The following MIA2 variants were observed in gnomAD, a reference collection of about 807,000 sequenced individuals.
The protein encoded by MIA2 is MIA SH3 domain ER export factor 2, also known as melanoma inhibitory activity protein 2.
A neutral mutation model predicts 167.8 loss-of-function variants in MIA2; 127 were observed. The observed-to-expected ratio is 0.76, with a 90% CI of 0.66 to 0.88. The LOEUF is 0.88. Ranked by LOEUF, MIA2 falls within the 40% of genes least tolerant of loss-of-function variation. MIA2 has a pLI of 0.00. For synonymous variants in MIA2, 552 were observed against 541.9 expected (o/e 1.02, Z -0.26); for missense variants, 1,690 against 1,624.7 (o/e 1.04, Z -0.69).
chr14:39,236,343 C>G (rs766824411), intron 1 of MIA2, among the ~76,000 whole-genome samples: 7 of 151,942 alleles, frequency 4.6e-5, no homozygotes, highest in African/African-American at 7.3e-5. Context: ...GGGGAAAGGA[C>G]AGAAAGAAAA....
At chr14:39,331,425 T>C (rs182288027) in intron 25 of MIA2, among the ~76,000 whole-genome samples, 154 of 152,352 alleles carry the variant, frequency 1.0e-3, no homozygotes, top group African/African-American at 3.5e-3. Context: ...CCATTCTCTG[T>C]CTTTTAATTG....
At chr14:39,377,704 C>G (rs1290191386) in intron 23 of MIA2, among the ~76,000 whole-genome samples, 1 of 151,926 alleles carries the variant, frequency 6.6e-6, no homozygotes, top group East Asian at 1.9e-4. Context: ...TTACACTTGG[C>G]TTGATTATTT....
chr14:39,237,130 T>C lies in MIA2; in HGVS notation c.249+75T>C, dbSNP rs746723028. 4 of 1,485,626 alleles carry C rather than the reference T, an allele frequency of 2.7e-6. No individual in the cohort carries two copies. In the African/African-American group the frequency reaches 4.2e-5, roughly 16 times the overall value. The allele number at this position is 1,485,626 out of a possible 1,614,324, so 92.0% of individuals were successfully genotyped here. A position where few individuals can be genotyped will look rare whatever the true frequency, so the allele number is the denominator to read the frequency against. ...ACAAAGATTCCTTCCTTTTCTTTTCTTTTTTTTGGAAACAGGGCCTGGCTC... is the reference window on the plus strand; with the variant it reads ...ACAAAGATTCCTTCCTTTTCTTTTCCTTTTTTTGGAAACAGGGCCTGGCTC... On this transcript the variant is annotated intron_variant, in intron 2 of 28. Transcript: ENST00000640607.
rs1240893892 is a variant in MIA2 at position 39,233,934 on chromosome 14, C to G, written c.-181C>G. 2.1e-6 allele frequency: 1 copy of G among 479,612 alleles called. No individual in the cohort carries two copies. Among genetic ancestry groups the G allele is most frequent in the African/African-American group, 2.0e-5 (1 of 49,630 alleles). 29.7% of individuals were successfully genotyped at this position (479,612 alleles called of 1,614,324 possible). On this transcript the variant is annotated 5_prime_UTR_variant, in exon 1 of 29. Coordinates refer to ENST00000640607, the MANE Select transcript of MIA2 (RefSeq NM_001329214.4). ...CAGATTGAAAACAGACAGTGTTTGTCTCTCAAGTTAAACCAACAAGCCGAT... is the reference window on the plus strand; with the variant it reads ...CAGATTGAAAACAGACAGTGTTTGTGTCTCAAGTTAAACCAACAAGCCGAT...
At chr14:39,359,865 A>T (rs1038064196) in intron 23 of MIA2, among the ~76,000 whole-genome samples, 1 of 152,118 alleles carries the variant, frequency 6.6e-6, no homozygotes, top group Admixed American at 6.5e-5. Flanking sequence ...GCATTGCAGG[A>T]TCATACAGTA....
downstream of MIA2, chr14:39,351,529 A>G (rs1345203435): frequency 6.6e-6 from 1 of 152,234 alleles, no homozygotes; most frequent in African/African-American, 2.4e-5. Context: ...TTATGTTGAA[A>G]TACTAACCCC....
At chr14:39,278,562 C>A (rs1376473052) in intron 7 of MIA2, among the ~76,000 whole-genome samples, 4 of 152,302 alleles carry the variant, frequency 2.6e-5, no homozygotes, top group African/African-American at 9.6e-5. Context: ...GATCCTTTTA[C>A]AAATGAATTC....
chr14:39,248,838 C>T (rs2054427971), intron 4 of MIA2, among the ~76,000 whole-genome samples: 1 of 151,990 alleles, frequency 6.6e-6, no homozygotes, highest in Non-Finnish European at 1.5e-5. Context: ...CTCCTGGGCT[C>T]ATGCAATTCT....
At chr14:39,297,666 CGTGTGTGT>C (rs71435638) in intron 13 of MIA2, among the ~76,000 whole-genome samples, 11 of 140,172 alleles carry the variant, frequency 7.8e-5, no homozygotes, top group East Asian at 4.2e-4. Flanking sequence ...TAGGGTTTTG[CGTGTGTGT>C]GTGTGTGTGT....
chr14:39,329,229 T>C (rs2068246223), intron 25 of MIA2, among the ~76,000 whole-genome samples: 2 of 152,166 alleles, frequency 1.3e-5, no homozygotes, highest in South Asian at 4.1e-4. Context: ...TTTGTAGTAA[T>C]TGCGAATGGG....
At chr14:39,341,660 C>G (rs939936279) in intron 25 of MIA2, among the ~76,000 whole-genome samples, 2 of 151,706 alleles carry the variant, frequency 1.3e-5, no homozygotes, top group African/African-American at 4.8e-5. Flanking sequence ...ACTGTCAGAT[C>G]TGAAGAGAAA....
At chr14:39,282,842 G>A (rs948041557) in intron 9 of MIA2, among the ~76,000 whole-genome samples, 6 of 152,078 alleles carry the variant, frequency 3.9e-5, no homozygotes, top group African/African-American at 1.2e-4. Flanking sequence ...CAAATTGTTG[G>A]GATTACAGGC....
intron 23 of MIA2, among the ~76,000 whole-genome samples, chr14:39,372,487 G>T (rs1247380812): frequency 1.3e-5 from 2 of 152,152 alleles, no homozygotes; most frequent in Non-Finnish European, 2.9e-5. Context: ...TTCCAAATCG[G>T]ACCAGGCAGC....
At chr14:39,262,599 C>T (rs1196650701) in intron 6 of MIA2, among the ~76,000 whole-genome samples, 1 of 152,148 alleles carries the variant, frequency 6.6e-6, no homozygotes, top group Non-Finnish European at 1.5e-5. Flanking sequence ...TATAAATTAC[C>T]TTGGGCAGTA....
In MIA2 at chr14:39,288,100, C is replaced by G. The variant is rs117634853; in HGVS notation, c.2131-2919C>G. The stretch of plus-strand genomic sequence containing the variant: ...CGGACTTCCCAAAGTGTTGGGATTA[C>G]AGGCGTGAGCCACCACACCTGGCCA... On this transcript the variant is annotated intron_variant, in intron 9 of 28. Coordinates refer to ENST00000640607, the MANE Select transcript of MIA2 (RefSeq NM_001329214.4). Among the ~76,000 whole-genome samples, 112 of 152,234 alleles carry G rather than the reference C, an allele frequency of 7.4e-4. 2 individuals are homozygous for G. The East Asian group carries it at 0.016, about 22-fold the overall frequency.
At chr14:39,244,315 G>C (rs1173918040) in intron 3 of MIA2, among the ~76,000 whole-genome samples, 1 of 152,220 alleles carries the variant, frequency 6.6e-6, no homozygotes, top group African/African-American at 2.4e-5. Flanking sequence ...GAGAGGTGGA[G>C]AATAGGAGAA....
chr14:39,336,009 G>A (rs1208179429), intron 25 of MIA2, among the ~76,000 whole-genome samples: 4 of 152,188 alleles, frequency 2.6e-5, no homozygotes, highest in Non-Finnish European at 5.9e-5. Flanking sequence ...TCCACCGTTG[G>A]TGGGTATCTG....
At chr14:39,385,743 C>A in intron 23 of MIA2, 1 of 894,720 alleles carries the variant, frequency 1.1e-6, no homozygotes, top group Non-Finnish European at 1.9e-6. Flanking sequence ...CTACCGGATT[C>A]TGGATAATAG....
chr14:39,279,744 T>G (rs1391528451), intron 9 of MIA2, among the ~76,000 whole-genome samples: 1 of 152,212 alleles, frequency 6.6e-6, no homozygotes, highest in Non-Finnish European at 1.5e-5. Flanking sequence ...TGTGCTTTCC[T>G]TTTGAGTTTT....
Sources: gnomAD v4.1 joint callset for allele counts (sites outside exome capture counted in the v4.1 genomes callset) on GRCh38, gnomAD v4.1.1 for gene constraint, MANE v1.5 for transcripts, NCBI Gene and HGNC (gene_info 2026-07-23, HGNC 2026-07-21) for gene names.